PKD1L1: variants seen among roughly 807,000 people sequenced by gnomAD.
The protein encoded by PKD1L1 is polycystin 1 like 1, transient receptor potential channel interacting.
Under a neutral mutation model 323.4 loss-of-function variants are expected in PKD1L1, and 236 were observed. The observed-to-expected ratio is 0.73, with a 90% CI of 0.66 to 0.81. The LOEUF (loss-of-function observed/expected upper bound fraction) is 0.81, where lower values mean the gene tolerates loss of function less well. Among genes scored for constraint, PKD1L1 ranks in the 40% least tolerant of loss-of-function variants. The pLI is 0.00. For missense variants in PKD1L1, 3,320 were observed against 3,508.0 expected (o/e 0.95, Z 1.35); for synonymous variants, 1,344 against 1,335.0 (o/e 1.01, Z -0.15).
At chr7:47,932,365 T>C (rs959133772) in intron 4 of PKD1L1, among the ~76,000 whole-genome samples, 1 of 152,196 alleles carries the variant, frequency 6.6e-6, no homozygotes, top group African/African-American at 2.4e-5. Flanking sequence ...GCGAGTCACA[T>C]ACAAAACATG....
At chr7:47,809,876 C>T (rs1018959697) in intron 50 of PKD1L1, 4 of 252,390 alleles carry the variant, frequency 1.6e-5, no homozygotes, top group Non-Finnish European at 2.3e-5. Context: ...CCAGGCCTCC[C>T]GACCTCCATG....
In PKD1L1 at chr7:47,843,023, T is replaced by C. The variant is rs751155166; in HGVS notation, c.5384A>G (p.His1795Arg). Residue 1795 changes from histidine (H) to arginine (R), a missense_variant, in exon 34 of 57, where the codon CAT (histidine) becomes CGT (arginine). By Grantham distance (29) the His-to-Arg change is conservative. Coordinates refer to ENST00000289672, the MANE Select transcript of PKD1L1 (RefSeq NM_138295.5). Reference protein sequence around the residue: ...IFLQEASLPGHQLYAVVIDTG... With the variant: ...IFLQEASLPGRQLYAVVIDTG... Reference sequence around the variant, plus strand: ...GTCAATGACGACCGCATATAGCTGATGGCCCGGCAGGGAAGCTTCTTGCAG... The same window carrying C: ...GTCAATGACGACCGCATATAGCTGACGGCCCGGCAGGGAAGCTTCTTGCAG... The C allele has an allele frequency of 3.7e-6, 6 of 1,614,010 alleles. No individual in the cohort carries two copies. Among genetic ancestry groups the C allele is most frequent in the Non-Finnish European group, 5.1e-6 (6 of 1,179,902 alleles).
At chr7:47,884,171 G>A (rs984233520) in intron 19 of PKD1L1, among the ~76,000 whole-genome samples, 1 of 150,968 alleles carries the variant, frequency 6.6e-6, no homozygotes, top group Non-Finnish European at 1.5e-5. Context: ...GTGTGTTTTG[G>A]GGGTTGGGGG....
chr7:47,807,698 C>T (rs2128728217), intron 52 of PKD1L1, among the ~76,000 whole-genome samples: 1 of 152,254 alleles, frequency 6.6e-6, no homozygotes, highest in East Asian at 1.9e-4. Context: ...CCCATCTGTG[C>T]ACATTTGCCT....
chr7:47,957,356 G>C, the PKD1L1 span: 1 of 152,240 alleles, frequency 6.6e-6, no homozygotes, highest in Non-Finnish European at 1.5e-5. Flanking sequence ...GAAAGAAAAG[G>C]CATCTAAATC....
rs1784906947 is a variant in PKD1L1 at position 47,811,966 on chromosome 7, G to C, written c.7432C>G (p.Leu2478Val). Reference protein sequence around the residue: ...STRAVSVHFTLYNPPTQLFTS... With the variant: ...STRAVSVHFTVYNPPTQLFTS... ...AAGAGTTGGGTTGGAGGGTTATAGA[G>C]AGTGAAGTGCACAGACACAGCCCTG... The change falls in exon 50 of 57, where the codon CTC becomes GTC. Residue 2478 changes from leucine (L) to valine (V), a missense_variant. Physicochemically the swap from Leu to Val is conservative, Grantham distance 32 (BLOSUM62 1). Transcript: ENST00000289672. The C allele has an allele frequency of 6.2e-7, 1 of 1,601,370 alleles. No individual in the cohort carries two copies. The highest frequency in any genetic ancestry group is 1.3e-5 in the African/African-American group (1 of 74,794).
intron 5 of PKD1L1, among the ~76,000 whole-genome samples, 199 bp downstream of exon 5, chr7:47,931,737 A>T (rs927727978): frequency 2.6e-5 from 4 of 152,216 alleles, no homozygotes; most frequent in Non-Finnish European, 4.4e-5. Context: ...GAAAGCAAAA[A>T]TATTTTCCCT....
chr7:47,878,815 G>A (rs1277513923), intron 21 of PKD1L1, among the ~76,000 whole-genome samples: 1 of 152,184 alleles, frequency 6.6e-6, no homozygotes. Context: ...AGCAGTCAGC[G>A]AGGGTGTGCA....
At chr7:47,780,365 C>T (rs964064969) in intron 56 of PKD1L1, among the ~76,000 whole-genome samples, 1 of 152,190 alleles carries the variant, frequency 6.6e-6, no homozygotes, top group Non-Finnish European at 1.5e-5. Context: ...GGCGCTGTGG[C>T]TCATGCCTGT....
chr7:47,839,532 C>G lies in PKD1L1; in HGVS notation c.5683G>C (p.Ala1895Pro). 6.2e-7 allele frequency: 1 copy of G among 1,611,282 alleles called. No individual in the cohort carries two copies. The change falls in exon 36 of 57, where the codon GCC (alanine) becomes CCC (proline). Residue 1895 changes from alanine (A) to proline (P), a missense_variant. Ala to Pro is a conservative substitution (Grantham distance 27, BLOSUM62 -1). Coordinates refer to ENST00000289672, the MANE Select transcript of PKD1L1 (RefSeq NM_138295.5). This position sits in a 1 kb window ranked among gnomAD's most constrained non-coding sequence, Gnocchi z 4.3. The part of the protein sequence containing the change: ...LHTGQGWFFP[A>P]QCWLSAGRHD... Reference sequence around the variant, plus strand: ...CTGCCGGCAGACAGCCAGCACTGGGCAGGGAAGAACCAGCCCTGTCCCGTG... The same window carrying G: ...CTGCCGGCAGACAGCCAGCACTGGGGAGGGAAGAACCAGCCCTGTCCCGTG...
At chr7:47,941,821 CCCCTGAACAGAAAGA>C (rs1383447087) in intron 2 of PKD1L1, among the ~76,000 whole-genome samples, 6 of 152,014 alleles carry the variant, frequency 3.9e-5, no homozygotes, top group Admixed American at 3.9e-4. Context: ...AGTGGATATA[CCCCTGAACAGAAAGA>C]AATAAATAAA....
rs750076530 is a variant in PKD1L1, at chr7:47,929,388, A to C, written c.876T>G (p.Pro292=). 1 of 1,614,240 alleles carries C rather than the reference A, an allele frequency of 6.2e-7. No homozygotes were observed. Among genetic ancestry groups the C allele is most frequent in the South Asian group, 1.1e-5 (1 of 91,088 alleles). The change falls in exon 7 of 57, where the codon CCT becomes CCG. Residue 292 remains proline, a synonymous_variant. Coordinates refer to ENST00000289672, the MANE Select transcript of PKD1L1 (RefSeq NM_138295.5). ...LARNSDNFMN[P]VLNCSLEVEA... is the part of the protein sequence containing the mutation. Reference sequence around the variant, plus strand: ...CCACTTCCAGGGAGCAATTAAGAACAGGGTTCATGAAGTTATCAGAATTTC... The same window carrying C: ...CCACTTCCAGGGAGCAATTAAGAACCGGGTTCATGAAGTTATCAGAATTTC...
chr7:47,779,203 C>T (rs1786635335), intron 56 of PKD1L1, among the ~76,000 whole-genome samples: 1 of 152,200 alleles, frequency 6.6e-6, no homozygotes, highest in Admixed American at 6.5e-5. Context: ...AGATGTCTTG[C>T]CAATAGGTCA....
chr7:47,884,520 G>T, intron 19 of PKD1L1, 78 bp downstream of exon 19: 2 of 1,312,852 alleles, frequency 1.5e-6, no homozygotes, highest in Non-Finnish European at 2.2e-6. Flanking sequence ...TAAGGGAACA[G>T]GTGGGAAATC....
chr7:47,809,644 A>C, intron 50 of PKD1L1, 67 bp from the exon 51 acceptor site: 1 of 1,192,694 alleles, frequency 8.4e-7, no homozygotes, highest in Non-Finnish European at 1.2e-6. Flanking sequence ...TGAAGGTCTA[A>C]ACATGTGACC....
chr7:47,954,963 A>C, the PKD1L1 span, among the ~76,000 whole-genome samples: 1 of 152,238 alleles, frequency 6.6e-6, no homozygotes, highest in African/African-American at 2.4e-5. Context: ...GATTCCAGGA[A>C]GGCGGCTACA....
chr7:47,884,523 G>A (rs1786638350), intron 19 of PKD1L1, 75 bp downstream of exon 19: 2 of 1,350,858 alleles, frequency 1.5e-6, no homozygotes, highest in Non-Finnish European at 2.1e-6. Context: ...GGGAACAGGT[G>A]GGAAATCCAG....
Position 47,814,371 on chromosome 7 carries a change from C to T in PKD1L1, c.7090-357G>A, listed in dbSNP as rs201859989. ...AAATAAACTGCTCAAGGAATATGGA[C>T]AAATATATTTCTCTTTTTTAAATTT... On this transcript the variant is annotated intron_variant, in intron 47 of 56. Transcript: ENST00000289672. Among the ~76,000 whole-genome samples, 5 of 152,142 alleles carry T rather than the reference C, an allele frequency of 3.3e-5. No individual in the cohort carries two copies. In the East Asian group the frequency reaches 9.6e-4, roughly 29 times the overall value.
chr7:47,959,591 GC>G, the PKD1L1 span, among the ~76,000 whole-genome samples: 2 of 129,510 alleles, frequency 1.5e-5, no homozygotes, highest in African/African-American at 5.4e-5. Flanking sequence ...CCTGGCAACT[GC>G]CCCATATGAG....
Sources: gnomAD v4.1 joint callset for allele counts (sites outside exome capture counted in the v4.1 genomes callset) on GRCh38, gnomAD v4.1.1 for gene constraint, Gnocchi (gnomAD v3.1) non-coding constraint, MANE v1.5 for transcripts, NCBI Gene and HGNC (gene_info 2026-07-23, HGNC 2026-07-21) for gene names.